Variants in CADM1 observed in about 807,000 individuals in gnomAD.
CADM1 encodes cell adhesion molecule 1.
In CADM1, 15 loss-of-function variants were observed where a neutral mutation model predicts 53.1. That is an observed-to-expected ratio of 0.28 (90% CI 0.19 to 0.44). CADM1 has a LOEUF of 0.44. Ranked by LOEUF, CADM1 falls within the 20% of genes least tolerant of loss-of-function variation. CADM1 has a pLI of 1.00. For synonymous variants in CADM1, 281 were observed against 243.0 expected, an observed-to-expected ratio of 1.16 and a Z score of -1.45; for missense variants, 434 against 611.3, an observed-to-expected ratio of 0.71 and a Z score of 3.06.
At chr11:115,255,825 A>G (rs189765586) in intron 1 of CADM1, among the ~76,000 whole-genome samples, 3 of 152,374 alleles carry the variant, frequency 2.0e-5, no homozygotes, top group Admixed American at 1.3e-4. Context: ...TAAGTTGCAA[A>G]CAACGAGCAA....
intron 1 of CADM1, among the ~76,000 whole-genome samples, chr11:115,406,247 G>C (rs771768739): frequency 6.6e-6 from 1 of 151,462 alleles, no homozygotes; most frequent in African/African-American, 2.4e-5. Context: ...ATATTCACTC[G>C]CTTCCTTAAG....
intron 1 of CADM1, among the ~76,000 whole-genome samples, chr11:115,258,210 G>A (rs1942856609): frequency 6.6e-6 from 1 of 152,120 alleles, no homozygotes; most frequent in South Asian, 2.1e-4. Flanking sequence ...TTATCCGAAT[G>A]TTAATCCATG....
chr11:115,295,924 G>A (rs11215470), intron 1 of CADM1, among the ~76,000 whole-genome samples: 2,596 of 152,058 alleles, frequency 0.017, 73 homozygotes, highest in African/African-American at 0.057. Context: ...TAAGGGCTCC[G>A]CCTTTCATAA....
intron 1 of CADM1, among the ~76,000 whole-genome samples, chr11:115,493,100 G>A (rs1403800322): frequency 6.6e-6 from 1 of 152,020 alleles, no homozygotes; most frequent in African/African-American, 2.4e-5. Context: ...ACTGATTCCA[G>A]GTATGGGGGC....
intron 1 of CADM1, among the ~76,000 whole-genome samples, chr11:115,276,297 C>T (rs1943441928): frequency 6.6e-6 from 1 of 152,146 alleles, no homozygotes; most frequent in Admixed American, 6.5e-5. Flanking sequence ...CCAGTAACAC[C>T]TATAAATCGA....
At position 115,193,746 on chromosome 11, in the gene CADM1, G is replaced by A. The variant is rs746655988; in HGVS notation, c.1112-2805C>T. On this transcript the variant is annotated intron_variant, in intron 9 of 11. Transcript: ENST00000331581. Reference sequence around the variant, plus strand: ...CAGAAAATTTTGAAATAGAATGATCGAATAAAACCTCCAGAAAACAAAAAC... The same window carrying A: ...CAGAAAATTTTGAAATAGAATGATCAAATAAAACCTCCAGAAAACAAAAAC... 6 of 151,488 alleles carry A rather than the reference G, an allele frequency of 4.0e-5. No individual in the cohort carries two copies. In the East Asian group the frequency reaches 7.7e-4, roughly 20 times the overall value. 9.4% of individuals were successfully genotyped at this position (151,488 alleles called of 1,614,324 possible).
intron 6 of CADM1, among the ~76,000 whole-genome samples, chr11:115,217,367 C>T (rs1941231333): frequency 6.6e-6 from 1 of 152,056 alleles, no homozygotes; most frequent in African/African-American, 2.4e-5. Context: ...AAGAAAAGTT[C>T]CTGAGCTTTT....
chr11:115,181,975 C>T (rs1939336090), intron 10 of CADM1, among the ~76,000 whole-genome samples: 2 of 152,206 alleles, frequency 1.3e-5, no homozygotes, highest in African/African-American at 4.8e-5. Context: ...GCGACAAAGT[C>T]TGTCAGCTGC....
intron 1 of CADM1, among the ~76,000 whole-genome samples, chr11:115,353,493 C>G (rs1945788466): frequency 6.6e-6 from 1 of 152,148 alleles, no homozygotes; most frequent in African/African-American, 2.4e-5. Flanking sequence ...TTAAAGCTTT[C>G]TTTTGGTTCA....
intron 1 of CADM1, among the ~76,000 whole-genome samples, chr11:115,279,591 C>T (rs780119459): frequency 2.6e-5 from 4 of 152,132 alleles, no homozygotes; most frequent in Non-Finnish European, 5.9e-5. Flanking sequence ...CTGAACTCTT[C>T]CCTTTTCTAA....
chr11:115,495,632 T>C (rs1165778357), intron 1 of CADM1, among the ~76,000 whole-genome samples: 2 of 152,214 alleles, frequency 1.3e-5, no homozygotes, highest in African/African-American at 4.8e-5. Context: ...ACTAAATTCC[T>C]AGACCTGTCC....
At chr11:115,232,936 A>C (rs1049845544) in intron 3 of CADM1, among the ~76,000 whole-genome samples, 1 of 152,218 alleles carries the variant, frequency 6.6e-6, no homozygotes, top group African/African-American at 2.4e-5. Context: ...TTGAATAATA[A>C]ATCTCTGATA....
In CADM1 at chr11:115,175,144, C is replaced by T. The variant is rs1328692707; in HGVS notation, c.*1330G>A. ...AGTTTTGATTAAGTAACTGAAAATC[C>T]GTACATGCTGTTTTTCCACCTCTGC... is the stretch of plus-strand genomic sequence containing the variant. On this transcript the variant is annotated 3_prime_UTR_variant, in exon 12 of 12. Coordinates refer to ENST00000331581, the MANE Select transcript of CADM1 (RefSeq NM_001301043.2). 2.6e-5 allele frequency: 26 copies of T among 985,662 alleles called. No individual in the cohort carries two copies. Among genetic ancestry groups the T allele is most frequent in the East Asian group, 1.1e-4 (1 of 8,826 alleles). The allele number at this position is 985,662 out of a possible 1,614,324, so 61.1% of individuals were successfully genotyped here.
At chr11:115,320,565 T>C (rs1206013520) in intron 1 of CADM1, among the ~76,000 whole-genome samples, 2 of 152,260 alleles carry the variant, frequency 1.3e-5, no homozygotes, top group East Asian at 3.9e-4. Context: ...TACTGTATTA[T>C]AAACCAGTAT....
At chr11:115,239,216 A>G (rs45473892) in intron 2 of CADM1, among the ~76,000 whole-genome samples, 2,721 of 152,310 alleles carry the variant, frequency 0.018, 35 homozygotes, top group Non-Finnish European at 0.029. Context: ...AACATGAAAA[A>G]TTATTTTAAA....
intron 1 of CADM1, among the ~76,000 whole-genome samples, chr11:115,292,881 T>C (rs1943942348): frequency 6.6e-6 from 1 of 152,214 alleles, no homozygotes; most frequent in African/African-American, 2.4e-5. Context: ...TGAATCAATA[T>C]TGATATTCTA....
At chr11:115,206,755 C>CTTTTTTTTTTTT (rs1194703150) in intron 8 of CADM1, among the ~76,000 whole-genome samples, 2 of 5,430 alleles carry the variant, frequency 3.7e-4, no homozygotes, top group Non-Finnish European at 1.2e-3. Flanking sequence ...TGACTGTGGA[C>CTTTTTTTTTTTT]TTCTTTTTTT....
At chr11:115,494,336 C>T (rs1310195715) in intron 1 of CADM1, among the ~76,000 whole-genome samples, 1 of 152,088 alleles carries the variant, frequency 6.6e-6, no homozygotes, top group Non-Finnish European at 1.5e-5. Context: ...AAAGCAGATA[C>T]TCAATTTTAA....
intron 1 of CADM1, among the ~76,000 whole-genome samples, chr11:115,250,677 G>A (rs140499508): frequency 1.3e-3 from 195 of 152,276 alleles, no homozygotes; most frequent in Middle Eastern, 3.4e-3. Flanking sequence ...AATAGCTAAT[G>A]TATTTTTAAA....
Sources: gnomAD v4.1 joint callset for allele counts (sites outside exome capture counted in the v4.1 genomes callset) on GRCh38, gnomAD v4.1.1 for gene constraint, MANE v1.5 for transcripts, NCBI Gene and HGNC (gene_info 2026-07-23, HGNC 2026-07-21) for gene names.